Variants in CORIN observed in about 807,000 individuals in gnomAD.
The protein encoded by CORIN is atrial natriuretic peptide-converting enzyme.
CORIN carries 117 observed loss-of-function variants against 125.3 expected under a neutral mutation model. The ratio of observed to expected loss-of-function variants is 0.93; its 90% CI spans 0.80 to 1.09. The LOEUF (loss-of-function observed/expected upper bound fraction) is 1.09, where lower values mean the gene tolerates loss of function less well. Among genes scored for constraint, CORIN ranks in the 50% least tolerant of loss-of-function variants. CORIN has a pLI of 0.00. For synonymous variants in CORIN, 450 were observed against 466.4 expected (o/e 0.96, Z 0.45); for missense variants, 1,253 against 1,306.7 (o/e 0.96, Z 0.63).
chr4:47,683,915 C>A, intron 6 of CORIN, 77 bp from the exon 7 acceptor site: 1 of 1,086,626 alleles, frequency 9.2e-7, no homozygotes, highest in South Asian at 1.4e-5. Context: ...TAACAAAAGC[C>A]AATCATGGAA....
At chr4:47,749,243 G>T (rs1045696545) in intron 4 of CORIN, among the ~76,000 whole-genome samples, 1 of 151,964 alleles carries the variant, frequency 6.6e-6, no homozygotes, top group East Asian at 1.9e-4. Flanking sequence ...TGAGTGATTT[G>T]CTCCCAACCA....
chr4:47,757,903 T>C (rs941551940), intron 4 of CORIN, among the ~76,000 whole-genome samples: 1 of 143,348 alleles, frequency 7.0e-6, no homozygotes, highest in East Asian at 2.0e-4. Context: ...TATATATATA[T>C]ATACACAAAT....
At chr4:47,788,228 CCCAAGGA>C (rs1730907902) in intron 2 of CORIN, among the ~76,000 whole-genome samples, 1 of 152,082 alleles carries the variant, frequency 6.6e-6, no homozygotes, top group Non-Finnish European at 1.5e-5. Flanking sequence ...TCTAAATAGT[CCCAAGGA>C]CCATTAAAAA....
chr4:47,766,768 A>G lies in CORIN; in HGVS notation c.410-3182T>C, dbSNP rs912040232. 3.3e-5 allele frequency among the ~76,000 whole-genome samples: 5 copies of G among 151,984 alleles called. No homozygotes were observed. In the East Asian group the frequency reaches 9.7e-4, roughly 29 times the overall value. On this transcript the variant is annotated intron_variant, in intron 3 of 21. Transcript: ENST00000273857. ...CGAGACCACCCTGGCCAACATGGTG[A>G]AACCCCATCTCTAGTAAAAATACAA...
At chr4:47,828,484 C>T (rs1732833160) in intron 1 of CORIN, among the ~76,000 whole-genome samples, 1 of 152,176 alleles carries the variant, frequency 6.6e-6, no homozygotes, top group African/African-American at 2.4e-5. Flanking sequence ...CTTAGAGTTT[C>T]TGAATTGGTG....
chr4:47,792,784 G>C (rs1165521347), intron 2 of CORIN, among the ~76,000 whole-genome samples: 2 of 152,178 alleles, frequency 1.3e-5, no homozygotes, highest in Non-Finnish European at 2.9e-5. Flanking sequence ...AGCCTTCAGA[G>C]CTCTGACACA....
At chr4:47,603,314 A>T in intron 20 of CORIN, 83 bp downstream of exon 20, 2 of 1,433,518 alleles carry the variant, frequency 1.4e-6, no homozygotes, top group East Asian at 2.3e-5. Context: ...CTGTGAATCA[A>T]TTAAACTTCT....
rs1318945045 is a variant in CORIN at position 47,765,678 on chromosome 4, G to C, written c.410-2092C>G. ...TTCTCAGTCTCACCAACAGAGAACA[G>C]TGTCAAACTTTTGGATTTTTGCTAA... On this transcript the variant is annotated intron_variant, in intron 3 of 21. Coordinates refer to ENST00000273857, the MANE Select transcript of CORIN (RefSeq NM_006587.4). 2.0e-5 allele frequency among the ~76,000 whole-genome samples: 3 copies of C among 152,204 alleles called. No homozygotes were observed. The East Asian group carries it at 5.8e-4, about 29-fold the overall frequency.
chr4:47,715,137 A>C (rs1727027016), intron 5 of CORIN, among the ~76,000 whole-genome samples: 2 of 152,198 alleles, frequency 1.3e-5, no homozygotes, highest in Admixed American at 6.6e-5. Context: ...TGAAGCAAAA[A>C]CTAAAACAGA....
intron 5 of CORIN, among the ~76,000 whole-genome samples, chr4:47,732,713 G>A (rs1458413900): frequency 1.3e-5 from 2 of 152,022 alleles, no homozygotes; most frequent in Non-Finnish European, 2.9e-5. Flanking sequence ...ACAGGCACAC[G>A]CCACCACGCC....
intron 4 of CORIN, among the ~76,000 whole-genome samples, chr4:47,745,608 T>C (rs950399973): frequency 1.1e-4 from 16 of 152,222 alleles, no homozygotes; most frequent in African/African-American, 3.9e-4. Flanking sequence ...GAAGCAGGAA[T>C]AGAATCCTGG....
At chr4:47,613,004 G>A (rs1721928707) in intron 19 of CORIN, among the ~76,000 whole-genome samples, 1 of 152,152 alleles carries the variant, frequency 6.6e-6, no homozygotes, top group African/African-American at 2.4e-5. Flanking sequence ...TGTTTCAGGG[G>A]GAAAAAGCTA....
chr4:47,659,493 GC>G (rs1427394586), intron 12 of CORIN, among the ~76,000 whole-genome samples: 1 of 152,126 alleles, frequency 6.6e-6, no homozygotes, highest in Non-Finnish European at 1.5e-5. Flanking sequence ...TTCTATGAAG[GC>G]CCCAAGAAGC....
At chr4:47,771,194 G>A (rs954635290) in intron 3 of CORIN, among the ~76,000 whole-genome samples, 8 of 152,060 alleles carry the variant, frequency 5.3e-5, no homozygotes, top group East Asian at 3.9e-4. Flanking sequence ...GAAATTTTTG[G>A]TGCCTGTTCC....
At chr4:47,685,625 G>T (rs938206516) in intron 6 of CORIN, among the ~76,000 whole-genome samples, 6 of 151,976 alleles carry the variant, frequency 3.9e-5, no homozygotes, top group Admixed American at 3.9e-4. Flanking sequence ...AAAATCAATA[G>T]ATGAAATTTA....
chr4:47,744,715 A>G (rs967842522), intron 4 of CORIN, 132 bp from the exon 5 acceptor site: 1 of 775,908 alleles, frequency 1.3e-6, no homozygotes, highest in African/African-American at 1.8e-5. Flanking sequence ...CAGCAACTTA[A>G]ATTTTTACAT....
chr4:47,755,279 T>C (rs1239719503), intron 4 of CORIN, among the ~76,000 whole-genome samples: 1 of 152,198 alleles, frequency 6.6e-6, no homozygotes, highest in Admixed American at 6.5e-5. Context: ...ATTAATATGT[T>C]TGCCCTGTGG....
intron 16 of CORIN, among the ~76,000 whole-genome samples, chr4:47,636,988 A>T (rs903414826): frequency 2.6e-5 from 4 of 152,178 alleles, no homozygotes; most frequent in Non-Finnish European, 5.9e-5. Context: ...AAACTAGTTG[A>T]ATTGCTTTGA....
At chr4:47,609,765 C>G (rs1182013739) in intron 19 of CORIN, among the ~76,000 whole-genome samples, 1 of 152,166 alleles carries the variant, frequency 6.6e-6, no homozygotes, top group Non-Finnish European at 1.5e-5. Context: ...CCCACCCCTA[C>G]CCCCAACAGG....
Sources: gnomAD v4.1 joint callset for allele counts (sites outside exome capture counted in the v4.1 genomes callset) on GRCh38, gnomAD v4.1.1 for gene constraint, MANE v1.5 for transcripts, NCBI Gene and HGNC (gene_info 2026-07-23, HGNC 2026-07-21) for gene names.